The following SNRPN variants were observed in gnomAD, a reference collection of about 807,000 sequenced individuals.
SNRPN encodes the protein small nuclear ribonucleoprotein polypeptide N, also known as small nuclear ribonucleoprotein-associated protein N.
A neutral mutation model predicts 25.2 loss-of-function variants in SNRPN; 7 were observed. The observed-to-expected ratio is 0.28, with a 90% CI of 0.16 to 0.52. SNRPN has a LOEUF of 0.52. SNRPN is among the 20% of genes least tolerant of loss of function. SNRPN has a pLI of 0.96. For missense variants in SNRPN, 196 were observed against 322.5 expected, an observed-to-expected ratio of 0.61 and a Z score of 3.00; for synonymous variants, 124 against 110.6, an observed-to-expected ratio of 1.12 and a Z score of -0.76.
At chr15:24,961,949 G>A (rs1240735514) in intron 1 of SNRPN, among the ~76,000 whole-genome samples, 165 bp from the exon 2 acceptor site, 1 of 152,072 alleles carries the variant, frequency 6.6e-6, no homozygotes, top group Non-Finnish European at 1.5e-5. Context: ...TTATAGCATA[G>A]ATTATGACTG....
intron 1 of SNRPN, among the ~76,000 whole-genome samples, chr15:24,871,773 T>G (rs535044284): frequency 1.3e-5 from 2 of 148,694 alleles, no homozygotes; most frequent in Non-Finnish European, 3.0e-5. Context: ...GGTGCAATCT[T>G]GGCTCACTGC....
chr15:24,905,434 G>A (rs1316860445), intron 2 of SNRPN, among the ~76,000 whole-genome samples: 6 of 151,288 alleles, frequency 4.0e-5, no homozygotes, highest in South Asian at 2.1e-4. Context: ...GCTTGAACCC[G>A]GGAGGCGGAG....
intron 1 of SNRPN, among the ~76,000 whole-genome samples, chr15:24,871,071 TG>T (rs1566848323): frequency 1.3e-5 from 2 of 151,764 alleles, no homozygotes; most frequent in African/African-American, 4.8e-5. Flanking sequence ...TTAGCAGAGA[TG>T]GGGTTTCACT....
chr15:24,854,598 C>T (rs2146164696), upstream of SNRPN, among the ~76,000 whole-genome samples: 1 of 152,318 alleles, frequency 6.6e-6, no homozygotes, highest in African/African-American at 2.4e-5. Context: ...TTTCTATCTT[C>T]CTTCTCAATA....
Position 24,974,434 on chromosome 15 carries a change from G to T in SNRPN, c.-20G>T, listed in dbSNP as rs763736287. The T allele has an allele frequency of 9.5e-5, 154 of 1,613,204 alleles. No individual in the cohort carries two copies. Among genetic ancestry groups the T allele is most frequent in the Non-Finnish European group, 1.3e-4 (150 of 1,179,314 alleles). On this transcript the variant is annotated 5_prime_UTR_variant, in exon 4 of 10. Coordinates refer to ENST00000390687, the MANE Select transcript of SNRPN (RefSeq NM_003097.6). ...CATCAAGTTTTAACTGTGGACATTGGATTTGGTGGAACAGCAATCATGGTA... is the reference window on the plus strand; with the variant it reads ...CATCAAGTTTTAACTGTGGACATTGTATTTGGTGGAACAGCAATCATGGTA...
upstream of SNRPN, chr15:24,852,005 C>G (rs560732709): frequency 5.3e-5 from 8 of 152,150 alleles, no homozygotes; most frequent in African/African-American, 1.9e-4. Context: ...GAAAAAGTTA[C>G]TTACATAAAT....
chr15:24,968,709 C>T (rs1174973543), intron 3 of SNRPN: 1 of 152,122 alleles, frequency 6.6e-6, no homozygotes, highest in African/African-American at 2.4e-5. Flanking sequence ...TAAATACTTT[C>T]TCATGCTTAT....
intron 2 of SNRPN, among the ~76,000 whole-genome samples, chr15:24,916,889 T>C (rs1358660910): frequency 1.3e-5 from 2 of 152,178 alleles, no homozygotes; most frequent in South Asian, 2.1e-4. Context: ...GCAAGATTTA[T>C]TGTGAAGATC....
chr15:24,883,869 G>A (rs2056953746), intron 1 of SNRPN, among the ~76,000 whole-genome samples: 1 of 151,440 alleles, frequency 6.6e-6, no homozygotes, highest in South Asian at 2.1e-4. Context: ...AAAATTAACC[G>A]GGCATTTATG....
intron 2 of SNRPN, among the ~76,000 whole-genome samples, chr15:24,902,756 T>C (rs2058544918): frequency 6.6e-6 from 1 of 152,212 alleles, no homozygotes; most frequent in South Asian, 2.1e-4. Flanking sequence ...TCTCGCCGGC[T>C]TCAGGAGTGA....
intron 3 of SNRPN, among the ~76,000 whole-genome samples, chr15:24,941,200 C>T (rs1053401278): frequency 1.3e-5 from 2 of 152,218 alleles, no homozygotes; most frequent in East Asian, 3.9e-4. Flanking sequence ...TGGTCTTGAA[C>T]TCCTGAGCTC....
chr15:24,941,063 G>A (rs148766486), intron 3 of SNRPN, among the ~76,000 whole-genome samples: 325 of 152,250 alleles, frequency 2.1e-3, no homozygotes, highest in African/African-American at 7.4e-3. Context: ...TGCAACCTTC[G>A]CCTCCCAGGT....
chr15:24,922,890 CTTTTTTT>C (rs71412618), intron 3 of SNRPN, among the ~76,000 whole-genome samples: 21 of 68,180 alleles, frequency 3.1e-4, no homozygotes, highest in African/African-American at 6.1e-4. Context: ...TAGGCAGATC[CTTTTTTT>C]TTTTTTTTTT....
intron 2 of SNRPN, among the ~76,000 whole-genome samples, chr15:24,895,458 T>G (rs1407681219): frequency 6.6e-6 from 1 of 151,594 alleles, no homozygotes; most frequent in Non-Finnish European, 1.5e-5. Flanking sequence ...ACATTCCCTA[T>G]GACTATCTTA....
At chr15:24,894,435 T>A in intron 2 of SNRPN, among the ~76,000 whole-genome samples, 1 of 151,988 alleles carries the variant, frequency 6.6e-6, no homozygotes, top group African/African-American at 2.4e-5. Flanking sequence ...AGCCAGGATG[T>A]GTCTTGATCT....
At chr15:24,850,469 C>A (rs895220455) in intron 2 of SNRPN, 5 of 152,160 alleles carry the variant, frequency 3.3e-5, no homozygotes, top group African/African-American at 9.7e-5. Context: ...TGCCACCACA[C>A]CCAGCTAATT....
chr15:24,881,938 A>T (rs1313626877), intron 1 of SNRPN, among the ~76,000 whole-genome samples: 1 of 152,076 alleles, frequency 6.6e-6, no homozygotes, highest in Non-Finnish European at 1.5e-5. Flanking sequence ...GCGGAACAAG[A>T]TATCCTTCCT....
intron 1 of SNRPN, among the ~76,000 whole-genome samples, chr15:24,862,600 C>G (rs970531602): frequency 1.3e-5 from 2 of 150,990 alleles, no homozygotes; most frequent in Non-Finnish European, 2.9e-5. Context: ...GTGGGGCTCA[C>G]AGGGGAACAA....
chr15:24,908,884 G>C (rs1460652055), intron 2 of SNRPN: 2 of 770,462 alleles, frequency 2.6e-6, no homozygotes, highest in Non-Finnish European at 4.3e-6. Flanking sequence ...CTGTCCATAA[G>C]TTTATTGTCT....
Sources: gnomAD v4.1 joint callset for allele counts (sites outside exome capture counted in the v4.1 genomes callset) on GRCh38, gnomAD v4.1.1 for gene constraint, MANE v1.5 for transcripts, NCBI Gene and HGNC (gene_info 2026-07-23, HGNC 2026-07-21) for gene names.